ATXN1: variants seen among roughly 807,000 people sequenced by gnomAD.
ATXN1 encodes the protein ataxin-1.
ATXN1 carries 8 observed loss-of-function variants against 56.4 expected under a neutral mutation model. The observed-to-expected ratio is 0.14, with a 90% confidence interval of 0.08 to 0.26. The LOEUF (loss-of-function observed/expected upper bound fraction) is 0.26. Among genes scored for constraint, ATXN1 ranks in the 10% least tolerant of loss-of-function variants. The probability of loss-of-function intolerance (pLI) is 1.00; values close to 1 mark genes in which losing one functional copy is unlikely to be tolerated. For synonymous variants in ATXN1, 514 were observed against 494.6 expected (o/e 1.04, Z -0.52); for missense variants, 987 against 1,106.5 (o/e 0.89, Z 1.53).
intron 6 of ATXN1, among the ~76,000 whole-genome samples, chr6:16,333,136 C>T (rs1761030268): frequency 2.0e-5 from 3 of 152,206 alleles, no homozygotes; most frequent in Admixed American, 6.5e-5. Context: ...TTAGGTGATG[C>T]TCCACTGCTT....
At chr6:16,472,210 T>A (rs1477769303) in intron 6 of ATXN1, among the ~76,000 whole-genome samples, 1 of 152,206 alleles carries the variant, frequency 6.6e-6, no homozygotes, top group Non-Finnish European at 1.5e-5. Context: ...CTATTTTTTT[T>A]TACTGTCTAC....
intron 3 of ATXN1, among the ~76,000 whole-genome samples, chr6:16,605,416 T>C (rs1762985952): frequency 6.6e-6 from 1 of 152,168 alleles, no homozygotes; most frequent in Admixed American, 6.5e-5. Context: ...GAGCTGGGCT[T>C]ATATAACAGG....
At chr6:16,729,655 T>C (rs908961589) in intron 2 of ATXN1, among the ~76,000 whole-genome samples, 4 of 152,214 alleles carry the variant, frequency 2.6e-5, no homozygotes, top group African/African-American at 7.2e-5. Flanking sequence ...TGGAGGTCTC[T>C]GAGTTGGGGG....
Position 16,305,193 on chromosome 6 carries a change from G to A in ATXN1, c.*1136C>T, listed in dbSNP as rs1254515982. 6.6e-6 allele frequency: 1 copy of A among 152,306 alleles called. No individual in the cohort carries two copies. The highest frequency in any genetic ancestry group is 1.5e-5 in the Non-Finnish European group (1 of 67,994). 9.4% of individuals were successfully genotyped at this position (152,306 alleles called of 1,614,324 possible). ...AGACCAAGATGCTTGGTAATAAAGT[G>A]TGAACAGTATTTTTAAATGCTTAAA... On this transcript the variant is annotated 3_prime_UTR_variant, in exon 8 of 8. Coordinates refer to ENST00000436367, the MANE Select transcript of ATXN1 (RefSeq NM_001128164.2).
In ATXN1 at chr6:16,326,740, G is replaced by T; in HGVS notation, c.1571C>A (p.Thr524Asn). 1 of 1,613,708 alleles carries T rather than the reference G, an allele frequency of 6.2e-7. No individual in the cohort carries two copies. The highest frequency in any genetic ancestry group is 8.5e-7 in the Non-Finnish European group (1 of 1,179,998). Residue 524 changes from threonine (T) to asparagine (N), a missense_variant, in exon 7 of 8, where the codon ACC becomes AAC. Thr to Asn is a moderately conservative substitution (Grantham distance 65, BLOSUM62 0). Coordinates refer to ENST00000436367, the MANE Select transcript of ATXN1 (RefSeq NM_001128164.2). This position sits in a 1 kb window ranked among gnomAD's most constrained non-coding sequence, Gnocchi z 6.6. ...QFAAVPHTFV[T>N]TALPKSENFN... ...GTTCTCGCTCTTGGGAAGGGCGGTG[G>T]TGACGAACGTGTGAGGCACTGCAGC...
intron 5 of ATXN1, among the ~76,000 whole-genome samples, chr6:16,495,871 A>T (rs1209448278): frequency 1.6e-5 from 2 of 127,996 alleles, no homozygotes; most frequent in African/African-American, 6.1e-5. Flanking sequence ...TCTCTCTCTC[A>T]AAAAAAAAAA....
rs114073896 is a variant in ATXN1 at position 16,320,331 on chromosome 6, C to T, written c.1917+6063G>A. The stretch of plus-strand genomic sequence containing the variant: ...ACACACAGGCACACTCACACCCACG[C>T]CAGGACAGTCGGGAGGAGGAAATGG... On this transcript the variant is annotated intron_variant, in intron 7 of 7. Coordinates refer to ENST00000436367, the MANE Select transcript of ATXN1 (RefSeq NM_001128164.2). 7.0e-3 allele frequency among the ~76,000 whole-genome samples: 1,067 copies of T among 152,144 alleles called. 10 individuals are homozygous for T. The highest frequency in any genetic ancestry group is 0.024 in the Middle Eastern group (7 of 294).
At chr6:16,356,249 C>T (rs957970330) in intron 6 of ATXN1, among the ~76,000 whole-genome samples, 1 of 152,210 alleles carries the variant, frequency 6.6e-6, no homozygotes, top group African/African-American at 2.4e-5. Context: ...AATCGTGGCA[C>T]AGGTCACGGA....
At chr6:16,679,946 T>C (rs1260296224) in intron 2 of ATXN1, among the ~76,000 whole-genome samples, 1 of 152,230 alleles carries the variant, frequency 6.6e-6, no homozygotes, top group Admixed American at 6.5e-5. Flanking sequence ...GAGTAATTTT[T>C]AAAATAATTT....
intron 6 of ATXN1, among the ~76,000 whole-genome samples, chr6:16,357,022 A>C (rs1761701056): frequency 6.6e-6 from 1 of 152,110 alleles, no homozygotes; most frequent in Non-Finnish European, 1.5e-5. Flanking sequence ...TATTCTTTTC[A>C]CCAACAGTCT....
chr6:16,424,249 G>A (rs1432243758), intron 6 of ATXN1, among the ~76,000 whole-genome samples: 1 of 152,174 alleles, frequency 6.6e-6, no homozygotes, highest in Non-Finnish European at 1.5e-5. Context: ...CAAGAGCTAC[G>A]GGTTCAAGGG....
intron 2 of ATXN1, among the ~76,000 whole-genome samples, chr6:16,721,736 A>G (rs1759749331): frequency 6.6e-6 from 1 of 152,216 alleles, no homozygotes; most frequent in African/African-American, 2.4e-5. Context: ...TAAAATAGGT[A>G]GCTTATGGCT....
In ATXN1 at chr6:16,327,040, C is replaced by T. The variant is rs145359717; in HGVS notation, c.1271G>A (p.Arg424Gln). 2.8e-5 allele frequency: 45 copies of T among 1,614,092 alleles called. No individual in the cohort carries two copies. In the South Asian group the frequency reaches 2.9e-4, roughly 10 times the overall value. ...SGLHLGKPGHRSYALSPHTVI... is the reference protein window; with the variant it reads ...SGLHLGKPGHQSYALSPHTVI... Reference sequence around the variant, plus strand: ...CGTGTGGGGTGAGAGCGCGTAGGACCGGTGGCCAGGCTTCCCTAAATGCAG... The same window carrying T: ...CGTGTGGGGTGAGAGCGCGTAGGACTGGTGGCCAGGCTTCCCTAAATGCAG... Residue 424 changes from arginine (R) to glutamine (Q), a missense_variant, in exon 7 of 8, where the codon CGG becomes CAG. Arg to Gln is a conservative substitution (Grantham distance 43). Coordinates refer to ENST00000436367, the MANE Select transcript of ATXN1 (RefSeq NM_001128164.2).
At chr6:16,666,852 T>G (rs937481989) in intron 2 of ATXN1, 2 of 152,090 alleles carry the variant, frequency 1.3e-5, no homozygotes, top group African/African-American at 4.8e-5. Flanking sequence ...GCTTTAAGAA[T>G]CTAGTTAAAA....
At chr6:16,651,921 C>A (rs1357392814) in intron 3 of ATXN1, 1 of 152,218 alleles carries the variant, frequency 6.6e-6, no homozygotes, top group Non-Finnish European at 1.5e-5. Flanking sequence ...ATTCTGATTT[C>A]TTCTGATGCA....
chr6:16,375,009 T>C (rs1484185228), intron 6 of ATXN1, among the ~76,000 whole-genome samples: 2 of 152,190 alleles, frequency 1.3e-5, no homozygotes, highest in Non-Finnish European at 2.9e-5. Context: ...CAGCTTGGGC[T>C]AGCAAAGAAA....
chr6:16,657,292 T>C (rs1276250445), intron 3 of ATXN1, among the ~76,000 whole-genome samples: 1 of 152,206 alleles, frequency 6.6e-6, no homozygotes, highest in Non-Finnish European at 1.5e-5. Context: ...CAGCCCAGTA[T>C]TATAATCTTA....
chr6:16,371,987 T>G (rs1023637226), intron 6 of ATXN1, among the ~76,000 whole-genome samples: 1 of 152,246 alleles, frequency 6.6e-6, no homozygotes, highest in African/African-American at 2.4e-5. Context: ...TTGTAAAATT[T>G]CTTTATGTGT....
intron 6 of ATXN1, among the ~76,000 whole-genome samples, chr6:16,345,777 A>G (rs1011547138): frequency 6.6e-6 from 1 of 152,178 alleles, no homozygotes; most frequent in Non-Finnish European, 1.5e-5. Flanking sequence ...GCTGTTTTCA[A>G]TAAAAAAGCT....
Sources: allele counts gnomAD v4.1 joint callset (sites outside exome capture counted in the v4.1 genomes callset), GRCh38; gene constraint gnomAD v4.1.1; non-coding constraint Gnocchi (gnomAD v3.1); transcripts MANE v1.5; gene names NCBI Gene and HGNC (gene_info 2026-07-23, HGNC 2026-07-21).